Variants in CFAP54 observed in about 807,000 individuals in gnomAD.
CFAP54 encodes the protein cilia and flagella associated protein 54.
CFAP54 carries 290 observed loss-of-function variants against 370.4 expected under a neutral mutation model. The observed-to-expected ratio is 0.78, with a 90% CI of 0.71 to 0.86. The LOEUF (loss-of-function observed/expected upper bound fraction) is 0.86, where lower values mean the gene tolerates loss of function less well. CFAP54 is among the 40% of genes least tolerant of loss of function. The pLI is 0.00. For missense variants in CFAP54, 3,399 were observed against 3,528.7 expected (o/e 0.96, Z 0.93); for synonymous variants, 1,206 against 1,236.5 (o/e 0.98, Z 0.52).
At chr12:96,667,161 C>T (rs947168013) in intron 39 of CFAP54, among the ~76,000 whole-genome samples, 20 of 152,204 alleles carry the variant, frequency 1.3e-4, no homozygotes, top group African/African-American at 3.1e-4. Context: ...GCCTCCCTCC[C>T]GGCTGCTTTC....
intron 47 of CFAP54, among the ~76,000 whole-genome samples, chr12:96,705,286 A>G (rs1957535826): frequency 6.6e-6 from 1 of 152,164 alleles, no homozygotes; most frequent in Non-Finnish European, 1.5e-5. Flanking sequence ...TTTTCTCAAA[A>G]TTGCTTTATT....
intron 38 of CFAP54, among the ~76,000 whole-genome samples, chr12:96,658,946 A>T (rs1956957080): frequency 6.6e-6 from 1 of 152,164 alleles, no homozygotes; most frequent in Non-Finnish European, 1.5e-5. Context: ...TCACAACATG[A>T]TTCTGACACC....
In CFAP54 at chr12:96,743,985, C is replaced by T. The variant is rs771377876; in HGVS notation, c.7558-35C>T. On this transcript the variant is annotated intron_variant, in intron 54 of 67. Coordinates refer to ENST00000524981, the MANE Select transcript of CFAP54 (RefSeq NM_001306084.2). ...TTCCTCCTATTCCAAACCACGTCAACTAATTGCTCATTACAATATTTGTTT... is the reference window on the plus strand; with the variant it reads ...TTCCTCCTATTCCAAACCACGTCAATTAATTGCTCATTACAATATTTGTTT... 1.9e-5 allele frequency: 30 copies of T among 1,602,948 alleles called. 1 individual carries two copies. The South Asian group carries it at 2.8e-4, about 15-fold the overall frequency.
rs2136605807 is a variant in CFAP54 at position 96,718,475 on chromosome 12, T to C, written c.6757T>C (p.Tyr2253His). ...IYSKDDGSSF[Y>H]NLTKLKDEIT... The stretch of plus-strand genomic sequence containing the variant: ...TTCAAAGGATGATGGAAGTTCATTT[T>C]ATAATCTTACAAAACTTAAAGATGA... Residue 2253 changes from tyrosine to histidine, a missense_variant, in exon 49 of 68, where the codon TAT becomes CAT. Physicochemically the swap from Tyr to His is moderately conservative, Grantham distance 83. This residue lies in a region of CFAP54 where 2,796 missense variants were observed against 2,869.7 expected (regional missense o/e 0.97). Transcript: ENST00000524981. 6.3e-7 allele frequency: 1 copy of C among 1,580,490 alleles called. No individual in the cohort carries two copies. Among genetic ancestry groups the C allele is most frequent in the South Asian group, 1.1e-5 (1 of 90,084 alleles).
At chr12:96,715,844 A>AT (rs1423480988) in intron 48 of CFAP54, among the ~76,000 whole-genome samples, 6 of 151,914 alleles carry the variant, frequency 3.9e-5, no homozygotes, top group Non-Finnish European at 7.4e-5. Context: ...ATATTTTCTC[A>AT]TTTTTTTCAT....
intron 39 of CFAP54, among the ~76,000 whole-genome samples, chr12:96,677,604 T>G (rs1222572076): frequency 6.6e-6 from 1 of 151,720 alleles, no homozygotes; most frequent in Non-Finnish European, 1.5e-5. Flanking sequence ...AGGAGGGAGA[T>G]GGTGGGGACA....
intron 58 of CFAP54, among the ~76,000 whole-genome samples, chr12:96,761,549 C>A (rs1958339396): frequency 6.6e-6 from 1 of 151,826 alleles, no homozygotes; most frequent in Non-Finnish European, 1.5e-5. Context: ...TATCTAGCAC[C>A]CTTTGTCTAA....
At chr12:96,734,634 A>T (rs988195950) in intron 50 of CFAP54, among the ~76,000 whole-genome samples, 3 of 152,184 alleles carry the variant, frequency 2.0e-5, no homozygotes, top group African/African-American at 7.2e-5. Context: ...ATATATGGGA[A>T]AAGTGGAATT....
chr12:96,613,439 C>T (rs561955977), intron 26 of CFAP54, among the ~76,000 whole-genome samples: 7 of 152,222 alleles, frequency 4.6e-5, no homozygotes, highest in African/African-American at 1.2e-4. Flanking sequence ...AATTGACACC[C>T]TAGCATCACA....
Position 96,576,655 on chromosome 12 carries a change from A to C in CFAP54, c.2690A>C (p.Glu897Ala). The change falls in exon 20 of 68, where the codon GAA becomes GCA. Residue 897 changes from glutamate (E) to alanine (A), a missense_variant. Transcript: ENST00000524981. ...CTATATTCCTATCAGAAATATTTGGAAAGTTCAAAAAGAAAGAAAAGCAGA... is the reference window on the plus strand; with the variant it reads ...CTATATTCCTATCAGAAATATTTGGCAAGTTCAAAAAGAAAGAAAAGCAGA... ...NALYSYQKYL[E>A]SSKRKKSRVP... 6.5e-7 allele frequency: 1 copy of C among 1,535,530 alleles called. No homozygotes were observed. Among genetic ancestry groups the C allele is most frequent in the Non-Finnish European group, 8.7e-7 (1 of 1,146,454 alleles).
chr12:96,507,158 A>G (rs1445268083), intron 4 of CFAP54, 59 bp downstream of exon 4: 15 of 1,289,218 alleles, frequency 1.2e-5, no homozygotes, highest in Non-Finnish European at 1.5e-5. Context: ...TTCAATGCTA[A>G]GTTTGACAGT....
intron 20 of CFAP54, among the ~76,000 whole-genome samples, chr12:96,580,348 TAGC>T (rs1427782015): frequency 6.6e-6 from 1 of 152,136 alleles, no homozygotes. Context: ...TAACAGTACT[TAGC>T]AGTAGGAACT....
At chr12:96,807,921 C>G (rs925868120) in intron 63 of CFAP54, among the ~76,000 whole-genome samples, 2 of 152,156 alleles carry the variant, frequency 1.3e-5, no homozygotes, top group South Asian at 4.1e-4. Context: ...AGGGATTACA[C>G]ATCTCCATTT....
chr12:96,844,659 T>G (rs1356471640), intron 66 of CFAP54, among the ~76,000 whole-genome samples: 1 of 152,250 alleles, frequency 6.6e-6, no homozygotes, highest in Non-Finnish European at 1.5e-5. Context: ...AGATAGATAC[T>G]ATTATCATCC....
At chr12:96,584,568 A>C (rs1171623078) in intron 22 of CFAP54, among the ~76,000 whole-genome samples, 4 of 152,182 alleles carry the variant, frequency 2.6e-5, no homozygotes, top group African/African-American at 9.7e-5. Flanking sequence ...TTTATGGATG[A>C]ATCATTTAGT....
chr12:96,690,435 T>C (rs1957376609), intron 43 of CFAP54, among the ~76,000 whole-genome samples: 1 of 152,204 alleles, frequency 6.6e-6, no homozygotes, highest in African/African-American at 2.4e-5. Context: ...AAATGAAAAA[T>C]GTGTTTTGTG....
At chr12:96,560,275 AC>A (rs1241250319) in intron 17 of CFAP54, among the ~76,000 whole-genome samples, 2 of 151,500 alleles carry the variant, frequency 1.3e-5, no homozygotes, top group Non-Finnish European at 2.9e-5. Context: ...TTATCCCCCT[AC>A]CCCCAATCCC....
At chr12:96,491,187 G>A (rs1954880212) in intron 1 of CFAP54, among the ~76,000 whole-genome samples, 1 of 152,062 alleles carries the variant, frequency 6.6e-6, no homozygotes, top group Admixed American at 6.6e-5. Context: ...GGGAAGGTCA[G>A]GAAAAGTTGC....
chr12:96,507,772 A>G (rs1263374453), intron 4 of CFAP54, among the ~76,000 whole-genome samples: 1 of 152,220 alleles, frequency 6.6e-6, no homozygotes, highest in African/African-American at 2.4e-5. Context: ...TCCCTCATCC[A>G]TGGCAACTGA....
Sources: gnomAD v4.1 joint callset for allele counts (sites outside exome capture counted in the v4.1 genomes callset) on GRCh38, gnomAD v4.1.1 for gene constraint, gnomAD v4.1.1 regional missense constraint, MANE v1.5 for transcripts, NCBI Gene and HGNC (gene_info 2026-07-23, HGNC 2026-07-21) for gene names.